CD40LG: variants seen among roughly 807,000 people sequenced by gnomAD.
CD40LG encodes CD40 antigen ligand.
In CD40LG, 1 loss-of-function variant was observed where a neutral mutation model predicts 17.2. The ratio of observed to expected loss-of-function variants is 0.06; its 90% confidence interval spans 0.02 to 0.28. The LOEUF (loss-of-function observed/expected upper bound fraction) is 0.28, where lower values mean the gene tolerates loss of function less well. Among genes scored for constraint, CD40LG ranks in the 10% least tolerant of loss-of-function variants. The pLI is 1.00. For synonymous variants in CD40LG, 66 were observed against 74.4 expected, an observed-to-expected ratio of 0.89 and a Z score of 0.58; for missense variants, 133 against 193.2, an observed-to-expected ratio of 0.69 and a Z score of 1.85.
intron 1 of CD40LG, 37 bp from the exon 2 acceptor site, chrX:136,650,229 G>A (rs1192799665): frequency 7.3e-6 from 8 of 1,096,725 alleles, no homozygotes; most frequent in African/African-American, 3.6e-5. Context: ...TTCTCCTTCC[G>A]AATGACATTT....
intron 2 of CD40LG, among the ~76,000 whole-genome samples, chrX:136,653,383 T>G (rs1436678246): frequency 1.8e-5 from 2 of 112,509 alleles, no homozygotes; most frequent in South Asian, 7.3e-4. Context: ...AAGGGTCCTA[T>G]AGACAACTGA....
chrX:136,658,399 G>A (rs1018872899), intron 4 of CD40LG, among the ~76,000 whole-genome samples: 4 of 111,444 alleles, frequency 3.6e-5, no homozygotes, highest in Admixed American at 1.9e-4. Flanking sequence ...AGTTGGTGGC[G>A]CCCACTACAA....
In CD40LG at chrX:136,649,129, T is replaced by C. The variant is rs182304294; in HGVS notation, c.156+725T>C. ...AAAACCATCAGGACTTATTTTGTTT[T>C]CATGTATTTTTTCACTTCCACTGAG... On this transcript the variant is annotated intron_variant, in intron 1 of 4. Transcript: ENST00000370629. Among the ~76,000 whole-genome samples, 42 of 112,466 alleles carry C rather than the reference T, an allele frequency of 3.7e-4. No individual in the cohort carries two copies. In the East Asian group the frequency reaches 6.1e-3, roughly 16 times the overall value.
At position 136,659,641 on chromosome X, in the gene CD40LG, C is replaced by A. The variant is rs932894844; in HGVS notation, c.*226C>A. 13 of 414,817 alleles carry A rather than the reference C, an allele frequency of 3.1e-5. No homozygotes were observed. The highest frequency in any genetic ancestry group is 5.4e-5 in the Non-Finnish European group (13 of 240,625). The allele number at this position is 414,817 out of a possible 1,213,427, so 34.2% of individuals were successfully genotyped here. ...TCCATAAGAGCTTATATATCTGAAGCAGCAACCCCACTGATGCAGACATCC... is the reference window on the plus strand; with the variant it reads ...TCCATAAGAGCTTATATATCTGAAGAAGCAACCCCACTGATGCAGACATCC... On this transcript the variant is annotated 3_prime_UTR_variant, in exon 5 of 5. Transcript: ENST00000370629.
At chrX:136,656,210 T>G in intron 3 of CD40LG, 146 bp from the exon 4 acceptor site, 1 of 521,096 alleles carries the variant, frequency 1.9e-6, no homozygotes, top group Non-Finnish European at 3.5e-6. Flanking sequence ...TTTCCTTCAG[T>G]GGGAGAGATG....
intron 1 of CD40LG, among the ~76,000 whole-genome samples, chrX:136,649,993 A>T: frequency 8.9e-6 from 1 of 112,665 alleles, no homozygotes; most frequent in Non-Finnish European, 1.9e-5. Context: ...TAGTATGTTG[A>T]AAAAATATGC....
At chrX:136,651,201 GA>G (rs1363095449) in intron 2 of CD40LG, among the ~76,000 whole-genome samples, 1 of 111,146 alleles carries the variant, frequency 9.0e-6, no homozygotes, top group African/African-American at 3.3e-5. Context: ...AGAACATCAA[GA>G]GTTCTTTCTG....
At position 136,659,036 on chromosome X, in the gene CD40LG, C is replaced by T; in HGVS notation, c.410-3C>T. ...CCACAAACTTTCCCTTTCTTTGTAA[C>T]AGTGTTACAGTGGGCTGAAAAAGGA... On this transcript the variant is annotated splice_polypyrimidine_tract_variant and splice_region_variant and intron_variant, in intron 4 of 4. Transcript: ENST00000370629. The T allele has an allele frequency of 8.3e-7, 1 of 1,209,973 alleles. No homozygotes were observed. Among genetic ancestry groups the T allele is most frequent in the Non-Finnish European group, 1.1e-6 (1 of 893,983 alleles).
intron 4 of CD40LG, 90 bp downstream of exon 4, chrX:136,656,508 C>T (rs1210972082): frequency 2.4e-5 from 18 of 753,251 alleles, no homozygotes; most frequent in Middle Eastern, 3.0e-4. Context: ...CTCCTCTTTT[C>T]CCCTGGGACC....
At position 136,659,420 on chromosome X, in the gene CD40LG, T is replaced by A; in HGVS notation, c.*5T>A. The A allele has an allele frequency of 8.3e-7, 1 of 1,208,187 alleles. No homozygotes were observed. Among genetic ancestry groups the A allele is most frequent in the Non-Finnish European group, 1.1e-6 (1 of 894,693 alleles). On this transcript the variant is annotated 3_prime_UTR_variant, in exon 5 of 5. Coordinates refer to ENST00000370629, the MANE Select transcript of CD40LG (RefSeq NM_000074.3). ...TTTGGCTTACTCAAACTCTGAACAG[T>A]GTCACCTTGCAGGCTGTGGTGGAGC...
At chrX:136,654,146 A>G (rs1485318085) in intron 2 of CD40LG, among the ~76,000 whole-genome samples, 1 of 111,321 alleles carries the variant, frequency 9.0e-6, no homozygotes, top group African/African-American at 3.3e-5. Flanking sequence ...TAAGGCCTGG[A>G]TTTTACTTCC....
chrX:136,658,528 G>A (rs958020287), intron 4 of CD40LG, among the ~76,000 whole-genome samples: 6 of 111,963 alleles, frequency 5.4e-5, no homozygotes. Context: ...CAGGTAGGAA[G>A]AAATGGGGTC....
rs1376637717 is a variant in CD40LG, at chrX:136,650,340, A to G, written c.231A>G (p.Arg77=). Residue 77 remains arginine, a synonymous_variant, in exon 2 of 5, where the codon AGA becomes AGG. Coordinates refer to ENST00000370629, the MANE Select transcript of CD40LG (RefSeq NM_000074.3). ...KTIQRCNTGE[R]SLSLLNCEEI... is the part of the protein sequence containing the mutation. ...TACAGAGATGCAACACAGGAGAAAG[A>G]TCCTTATCCTTACTGAACTGTGAGG... The G allele has an allele frequency of 8.3e-7, 1 of 1,201,386 alleles. No individual in the cohort carries two copies. The highest frequency in any genetic ancestry group is 3.0e-5 in the East Asian group (1 of 33,780).
At position 136,659,091 on chromosome X, in the gene CD40LG, C is replaced by T; in HGVS notation, c.462C>T (p.Thr154=). The T allele has an allele frequency of 8.3e-7, 1 of 1,208,530 alleles. No homozygotes were observed. Among genetic ancestry groups the T allele is most frequent in the Non-Finnish European group, 1.1e-6 (1 of 892,602 alleles). ...GYYTMSNNLV[T]LENGKQLTVK... is the part of the protein sequence containing the mutation. The stretch of plus-strand genomic sequence containing the variant: ...ACACCATGAGCAACAACTTGGTAAC[C>T]CTGGAAAATGGGAAACAGCTGACCG... The change falls in exon 5 of 5, where the codon ACC becomes ACT. Residue 154 remains threonine, a synonymous_variant. Transcript: ENST00000370629.
intron 1 of CD40LG, among the ~76,000 whole-genome samples, chrX:136,649,094 T>C (rs1366567996): frequency 8.9e-6 from 1 of 112,500 alleles, no homozygotes; most frequent in Non-Finnish European, 1.9e-5. Flanking sequence ...TTTTGCATTC[T>C]TAGGAAAAGA....
At chrX:136,653,218 A>G (rs1458522488) in intron 2 of CD40LG, among the ~76,000 whole-genome samples, 1 of 112,480 alleles carries the variant, frequency 8.9e-6, no homozygotes, top group African/African-American at 3.2e-5. Context: ...GCTCAAATGG[A>G]AAGTTGAAGC....
rs768482472 is a variant in CD40LG, at chrX:136,659,467, T to C, written c.*52T>C. ...GAGCTGACGCTGGGAGTCTTCATAA[T>C]ACAGCACAGCGGTTAAGCCCACCCC... On this transcript the variant is annotated 3_prime_UTR_variant, in exon 5 of 5. Coordinates refer to ENST00000370629, the MANE Select transcript of CD40LG (RefSeq NM_000074.3). 2 of 1,167,441 alleles carry C rather than the reference T, an allele frequency of 1.7e-6. No homozygotes were observed. The highest frequency in any genetic ancestry group is 2.2e-5 in the Admixed American group (1 of 45,923).
chrX:136,659,697 T>A lies in CD40LG; in HGVS notation c.*282T>A. 1 of 346,529 alleles carries A rather than the reference T, an allele frequency of 2.9e-6. No individual in the cohort carries two copies. Among genetic ancestry groups the A allele is most frequent in the Non-Finnish European group, 5.0e-6 (1 of 200,240 alleles). 28.6% of individuals were successfully genotyped at this position (346,529 alleles called of 1,213,427 possible). ...GTCCTATGAAAAGACAAGGCCATTATGCACAGGTTGAATTCTGAGTAAACA... is the reference window on the plus strand; with the variant it reads ...GTCCTATGAAAAGACAAGGCCATTAAGCACAGGTTGAATTCTGAGTAAACA... On this transcript the variant is annotated 3_prime_UTR_variant, in exon 5 of 5. Transcript: ENST00000370629.
intron 2 of CD40LG, among the ~76,000 whole-genome samples, chrX:136,652,754 A>G (rs1239938848): frequency 9.0e-6 from 1 of 111,562 alleles, no homozygotes; most frequent in Admixed American, 9.5e-5. Context: ...CCTCTGCTAG[A>G]TGTTCAGTTC....
Sources: allele counts gnomAD v4.1 joint callset (sites outside exome capture counted in the v4.1 genomes callset), GRCh38; gene constraint gnomAD v4.1.1; transcripts MANE v1.5; gene names NCBI Gene and HGNC (gene_info 2026-07-23, HGNC 2026-07-21).